LANCL3: variants seen among roughly 807,000 people sequenced by gnomAD.
LANCL3 encodes LanC like family member 3, also known as lanC-like protein 3.
A neutral mutation model predicts 26.5 loss-of-function variants in LANCL3; 19 were observed. The observed-to-expected ratio is 0.72, with a 90% CI of 0.50 to 1.05. The LOEUF is 1.05. Among genes scored for constraint, LANCL3 ranks in the 50% least tolerant of loss-of-function variants. The pLI is 0.00. For synonymous variants in LANCL3, 160 were observed against 166.6 expected (o/e 0.96, Z 0.30); for missense variants, 318 against 362.7 (o/e 0.88, Z 1.00).
At chrX:37,586,147 A>C (rs782095518) in intron 1 of LANCL3, among the ~76,000 whole-genome samples, 23 of 111,831 alleles carry the variant, frequency 2.1e-4, no homozygotes, top group African/African-American at 7.5e-4. Context: ...TGGCTTGTAG[A>C]GTTTCTGCCG....
intron 1 of LANCL3, among the ~76,000 whole-genome samples, chrX:37,593,116 T>A: frequency 9.0e-6 from 1 of 111,683 alleles, no homozygotes; most frequent in East Asian, 2.8e-4. Context: ...AAAGATACCC[T>A]TTTTGTAGTT....
intron 1 of LANCL3, among the ~76,000 whole-genome samples, chrX:37,588,185 G>A (rs782143845): frequency 1.2e-4 from 13 of 111,794 alleles, no homozygotes; most frequent in Non-Finnish European, 2.1e-4. Flanking sequence ...CACTTTTGCT[G>A]GTTAATTTAG....
rs781945604 is a variant in LANCL3, at chrX:37,637,282, A to C, written c.574-18406A>C. 6.3e-5 allele frequency among the ~76,000 whole-genome samples: 7 copies of C among 111,949 alleles called. No individual in the cohort carries two copies. In the East Asian group the frequency reaches 1.4e-3, roughly 22 times the overall value. On this transcript the variant is annotated intron_variant, in intron 1 of 4. Transcript: ENST00000378619. ...ATAGTTCAGTGTGGTGACGGACACTATTGCCGACCAGAGCTCTTTTTGCCA... is the reference window on the plus strand; with the variant it reads ...ATAGTTCAGTGTGGTGACGGACACTCTTGCCGACCAGAGCTCTTTTTGCCA...
intron 1 of LANCL3, among the ~76,000 whole-genome samples, chrX:37,609,932 C>G (rs1556420945): frequency 8.9e-6 from 1 of 112,071 alleles, no homozygotes; most frequent in African/African-American, 3.2e-5. Flanking sequence ...CCTGAGTCAG[C>G]TTTCCATTAT....
At chrX:37,585,246 A>G (rs28866228) in intron 1 of LANCL3, among the ~76,000 whole-genome samples, 104 of 111,520 alleles carry the variant, frequency 9.3e-4, no homozygotes, top group African/African-American at 3.1e-3. Flanking sequence ...TAGGTGTGGT[A>G]TGGTGCTGAA....
intron 1 of LANCL3, among the ~76,000 whole-genome samples, chrX:37,637,368 C>G (rs1164717988): frequency 8.9e-6 from 1 of 111,791 alleles, no homozygotes; most frequent in African/African-American, 3.3e-5. Context: ...CCAATAATTG[C>G]TTGATTTTTC....
At chrX:37,622,607 T>C (rs1423596797) in intron 1 of LANCL3, among the ~76,000 whole-genome samples, 1 of 111,910 alleles carries the variant, frequency 8.9e-6, no homozygotes, top group Non-Finnish European at 1.9e-5. Flanking sequence ...CTTCATGTCT[T>C]TTGAGCCTGC....
rs1926842630 is a variant in LANCL3 at position 37,677,419 on chromosome X, C to A, written c.*1606C>A. The stretch of plus-strand genomic sequence containing the variant: ...AAAGAATCTGACCAAAGAAAGGTAA[C>A]AACTATCTTTGTGTATTTTATGACT... On this transcript the variant is annotated 3_prime_UTR_variant, in exon 5 of 5. Transcript: ENST00000378619. 9.0e-6 allele frequency: 1 copy of A among 111,691 alleles called. No individual in the cohort carries two copies. Among genetic ancestry groups the A allele is most frequent in the Non-Finnish European group, 1.9e-5 (1 of 53,054 alleles). The allele number at this position is 111,691 out of a possible 1,213,427, so 9.2% of individuals were successfully genotyped here.
chrX:37,661,193 C>T (rs1161471684), intron 3 of LANCL3, among the ~76,000 whole-genome samples: 1 of 111,547 alleles, frequency 9.0e-6, no homozygotes, highest in African/African-American at 3.3e-5. Flanking sequence ...TAAAAGGATT[C>T]AATGTGCTAG....
chrX:37,622,741 C>A (rs1925203448), intron 1 of LANCL3, among the ~76,000 whole-genome samples: 1 of 111,994 alleles, frequency 8.9e-6, no homozygotes, highest in Non-Finnish European at 1.9e-5. Flanking sequence ...TAGGCCTTTG[C>A]TAATGCTGTT....
In LANCL3 at chrX:37,659,458, A is replaced by G. The variant is rs782606311; in HGVS notation, c.698-4A>G. Reference sequence around the variant, plus strand: ...TGAATTTTATGCCTTGTTTGTTAATACAGGGGCAGCTCACGGCTTGTCGTC... The same window carrying G: ...TGAATTTTATGCCTTGTTTGTTAATGCAGGGGCAGCTCACGGCTTGTCGTC... On this transcript the variant is annotated splice_region_variant and splice_polypyrimidine_tract_variant and intron_variant, in intron 2 of 4. Coordinates refer to ENST00000378619, the MANE Select transcript of LANCL3 (RefSeq NM_001170331.2). 53 of 1,201,421 alleles carry G rather than the reference A, an allele frequency of 4.4e-5. No homozygotes were observed. The highest frequency in any genetic ancestry group is 5.7e-5 in the Non-Finnish European group (51 of 888,653).
intron 1 of LANCL3, among the ~76,000 whole-genome samples, chrX:37,588,932 G>A (rs1442337997): frequency 4.5e-5 from 5 of 111,521 alleles, no homozygotes; most frequent in Non-Finnish European, 9.4e-5. Context: ...GTGCTCAGTG[G>A]TGTGTTGAAA....
At chrX:37,609,402 C>CAA (rs1924800900) in intron 1 of LANCL3, among the ~76,000 whole-genome samples, 1 of 111,362 alleles carries the variant, frequency 9.0e-6, no homozygotes, top group African/African-American at 3.3e-5. Flanking sequence ...CTATGAGGGA[C>CAA]AAAGGAGGTG....
intron 1 of LANCL3, among the ~76,000 whole-genome samples, chrX:37,587,418 C>T (rs1924129945): frequency 8.9e-6 from 1 of 112,865 alleles, no homozygotes; most frequent in South Asian, 3.6e-4. Flanking sequence ...GGCAGGCAGG[C>T]CTCCTTGAGC....
chrX:37,632,582 T>C (rs1602118174), intron 1 of LANCL3, among the ~76,000 whole-genome samples: 1 of 112,244 alleles, frequency 8.9e-6, no homozygotes, highest in South Asian at 3.7e-4. Context: ...GATTTTGCAG[T>C]GGCTGGTGCC....
intron 1 of LANCL3, among the ~76,000 whole-genome samples, chrX:37,647,522 G>C (rs1556427431): frequency 8.9e-6 from 1 of 112,281 alleles, no homozygotes; most frequent in Non-Finnish European, 1.9e-5. Context: ...CCAACAGGAT[G>C]ATGAGGCAAA....
intron 1 of LANCL3, among the ~76,000 whole-genome samples, chrX:37,583,550 C>T (rs1473043554): frequency 1.6e-3 from 180 of 111,335 alleles, no homozygotes; most frequent in African/African-American, 5.3e-3. Flanking sequence ...GTAAGTTGGA[C>T]TCCTAGGTAT....
intron 1 of LANCL3, among the ~76,000 whole-genome samples, chrX:37,651,062 TC>T (rs1296225503): frequency 9.0e-6 from 1 of 111,252 alleles, no homozygotes; most frequent in African/African-American, 3.3e-5. Context: ...CAAGAACTCA[TC>T]CTTTTTTATG....
chrX:37,631,907 G>A (rs1209616789), intron 1 of LANCL3, among the ~76,000 whole-genome samples: 4 of 110,325 alleles, frequency 3.6e-5, no homozygotes, highest in African/African-American at 1.3e-4. Flanking sequence ...GTGGTGTGGT[G>A]CTGAAAAAAA....
Sources: gnomAD v4.1 joint callset for allele counts (sites outside exome capture counted in the v4.1 genomes callset) on GRCh38, gnomAD v4.1.1 for gene constraint, MANE v1.5 for transcripts, NCBI Gene and HGNC (gene_info 2026-07-23, HGNC 2026-07-21) for gene names.